FKTN: variants seen among roughly 807,000 people sequenced by gnomAD.
FKTN encodes fukutin, also known as ribitol-5-phosphate transferase FKTN.
In FKTN, 47 loss-of-function variants were observed where a neutral mutation model predicts 58.6. The ratio of observed to expected loss-of-function variants is 0.80; its 90% CI spans 0.63 to 1.02. FKTN has a LOEUF of 1.02. Among genes scored for constraint, FKTN ranks in the 50% least tolerant of loss-of-function variants. The pLI is 0.00. For synonymous variants in FKTN, 178 were observed against 191.9 expected (o/e 0.93, Z 0.60); for missense variants, 516 against 537.3 (o/e 0.96, Z 0.39).
At chr9:105,575,627 T>G (rs1405834481) in intron 3 of FKTN, among the ~76,000 whole-genome samples, 1 of 152,166 alleles carries the variant, frequency 6.6e-6, no homozygotes, top group East Asian at 1.9e-4. Context: ...TGAGATGGTG[T>G]TGTTACATTG....
intron 3 of FKTN, among the ~76,000 whole-genome samples, chr9:105,576,067 TG>T (rs1841614890): frequency 6.6e-6 from 1 of 151,888 alleles, no homozygotes; most frequent in African/African-American, 2.4e-5. Context: ...GCCATAAGAC[TG>T]GGGGAAGTTT....
intron 7 of FKTN, among the ~76,000 whole-genome samples, chr9:105,608,443 G>A (rs941388660): frequency 5.9e-5 from 9 of 152,148 alleles, no homozygotes; most frequent in Non-Finnish European, 1.2e-4. Flanking sequence ...TTCTCTTGCT[G>A]CAGCTTTCAA....
intron 5 of FKTN, 117 bp from the exon 6 acceptor site, chr9:105,604,098 C>A: frequency 9.1e-7 from 1 of 1,098,136 alleles, no homozygotes; most frequent in Non-Finnish European, 1.4e-6. Context: ...CAGATTAGCA[C>A]AAAAATATGG....
At chr9:105,621,549 C>A (rs1204906237) in intron 10 of FKTN, among the ~76,000 whole-genome samples, 2 of 151,900 alleles carry the variant, frequency 1.3e-5, no homozygotes, top group African/African-American at 4.8e-5. Context: ...CCTCATTTTC[C>A]CGTTTCTAGT....
rs766103012 is a variant in FKTN, at chr9:105,617,946, A to T, written c.911-13A>T. On this transcript the variant is annotated splice_polypyrimidine_tract_variant and intron_variant, in intron 8 of 10. Coordinates refer to ENST00000357998, the MANE Select transcript of FKTN (RefSeq NM_001079802.2). ...ACCTAAATTTTGTTAAAAAAATTTA[A>T]TCTTCTTTTTAGGATGGTATCGACA... 14 of 1,536,680 alleles carry T rather than the reference A, an allele frequency of 9.1e-6. No individual in the cohort carries two copies. In the Admixed American group the frequency reaches 2.3e-4, roughly 25 times the overall value.
intron 1 of FKTN, among the ~76,000 whole-genome samples, chr9:105,573,437 A>G (rs188654359): frequency 6.6e-6 from 1 of 152,228 alleles, no homozygotes; most frequent in African/African-American, 2.4e-5. Context: ...CAGCTTGGGC[A>G]ACATAGCAAG....
chr9:105,616,012 G>A (rs1449579094), intron 8 of FKTN, among the ~76,000 whole-genome samples: 2 of 152,178 alleles, frequency 1.3e-5, no homozygotes, highest in Admixed American at 6.5e-5. Context: ...GTGATGTAGT[G>A]TTAGTCTACT....
Position 105,639,636 on chromosome 9 carries a change from G to T in FKTN, c.*4372G>T. On this transcript the variant is annotated 3_prime_UTR_variant, in exon 11 of 11. Coordinates refer to ENST00000357998, the MANE Select transcript of FKTN (RefSeq NM_001079802.2). ...CTCAAAAGATTGCATGACTGAATTT[G>T]CTTAAGAAAAAAAAAATTGTATCAA... 1 of 956,612 alleles carries T rather than the reference G, an allele frequency of 1.0e-6. No homozygotes were observed. The highest frequency in any genetic ancestry group is 1.2e-6 in the Non-Finnish European group (1 of 805,808). 59.3% of individuals were successfully genotyped at this position (956,612 alleles called of 1,614,324 possible).
Position 105,640,114 on chromosome 9 carries a change from G to A in FKTN, c.*4850G>A. 1 of 1,535,214 alleles carries A rather than the reference G, an allele frequency of 6.5e-7. No homozygotes were observed. Among genetic ancestry groups the A allele is most frequent in the Non-Finnish European group, 8.7e-7 (1 of 1,146,514 alleles). ...TATCTCAACTAGGCAAGAATCAGCA[G>A]GGTGCATGATGCCATTTTAAGCTGC... On this transcript the variant is annotated 3_prime_UTR_variant, in exon 11 of 11. Coordinates refer to ENST00000357998, the MANE Select transcript of FKTN (RefSeq NM_001079802.2).
At chr9:105,567,487 A>T (rs941274688) in intron 1 of FKTN, among the ~76,000 whole-genome samples, 5 of 152,204 alleles carry the variant, frequency 3.3e-5, no homozygotes, top group Non-Finnish European at 7.4e-5. Context: ...AATCACAAGC[A>T]TTCTTATACA....
At chr9:105,602,927 A>G (rs2132750302) in intron 5 of FKTN, among the ~76,000 whole-genome samples, 1 of 152,300 alleles carries the variant, frequency 6.6e-6, no homozygotes, top group Non-Finnish European at 1.5e-5. Context: ...TCAGATTGTT[A>G]GATCTAATAA....
chr9:105,599,230 T>G (rs1255936885), intron 4 of FKTN, among the ~76,000 whole-genome samples: 1 of 152,208 alleles, frequency 6.6e-6, no homozygotes, highest in East Asian at 1.9e-4. Flanking sequence ...TTTTCTATAT[T>G]GAAATTATCA....
intron 10 of FKTN, 134 bp from the exon 11 acceptor site, chr9:105,634,917 A>G: frequency 1.3e-6 from 1 of 785,574 alleles, no homozygotes; most frequent in East Asian, 2.6e-5. Context: ...GTCAAAAATA[A>G]TTAAATATCC....
intron 5 of FKTN, chr9:105,603,937 G>A: frequency 2.4e-6 from 1 of 417,382 alleles, no homozygotes; most frequent in South Asian, 2.3e-5. Flanking sequence ...CAAAGCGCTG[G>A]GATTACAGGG....
intron 7 of FKTN, among the ~76,000 whole-genome samples, chr9:105,613,791 T>C (rs753018590): frequency 4.6e-5 from 7 of 152,236 alleles, no homozygotes; most frequent in Non-Finnish European, 1.0e-4. Flanking sequence ...CATTTGTCTT[T>C]GTATATCTAG....
intron 1 of FKTN, among the ~76,000 whole-genome samples, chr9:105,571,490 T>C (rs1453767819): frequency 6.6e-6 from 1 of 152,190 alleles, no homozygotes; most frequent in African/African-American, 2.4e-5. Context: ...AATTAAGTTT[T>C]TGATATTATG....
intron 10 of FKTN, among the ~76,000 whole-genome samples, chr9:105,626,802 A>G (rs1832795143): frequency 6.6e-6 from 1 of 151,996 alleles, no homozygotes; most frequent in Non-Finnish European, 1.5e-5. Context: ...GTGTTACCAA[A>G]TTGTAGTTTA....
intron 10 of FKTN, among the ~76,000 whole-genome samples, chr9:105,632,171 A>T (rs890629451): frequency 6.6e-6 from 1 of 151,932 alleles, no homozygotes; most frequent in African/African-American, 2.4e-5. Context: ...CGCAAGAACA[A>T]AAAACCAAAC....
At chr9:105,631,015 C>G (rs1165215182) in intron 10 of FKTN, among the ~76,000 whole-genome samples, 1 of 152,042 alleles carries the variant, frequency 6.6e-6, no homozygotes, top group East Asian at 1.9e-4. Flanking sequence ...CGCCTGTAAT[C>G]CCAGCCACTC....
Sources: gnomAD v4.1 joint callset for allele counts (sites outside exome capture counted in the v4.1 genomes callset) on GRCh38, gnomAD v4.1.1 for gene constraint, MANE v1.5 for transcripts, NCBI Gene and HGNC (gene_info 2026-07-23, HGNC 2026-07-21) for gene names.